Variants in MICOS10 observed in about 807,000 individuals in gnomAD.
MICOS10 encodes MICOS complex subunit MIC10.
Under a neutral mutation model 13.4 loss-of-function variants are expected in MICOS10, and 5 were observed. The observed-to-expected ratio is 0.37, with a 90% confidence interval of 0.20 to 0.78. The LOEUF (loss-of-function observed/expected upper bound fraction) is 0.78, where lower values mean the gene tolerates loss of function less well. Ranked by LOEUF, MICOS10 falls within the 30% of genes least tolerant of loss-of-function variation. The probability of loss-of-function intolerance (pLI) is 0.47; values close to 1 mark genes in which losing one functional copy is unlikely to be tolerated. For synonymous variants in MICOS10, 35 were observed against 33.6 expected (o/e 1.04, Z -0.15); for missense variants, 101 against 94.6 (o/e 1.07, Z -0.28).
chr1:19,626,311 G>A, intron 3 of MICOS10, 76 bp from the exon 4 acceptor site: 1 of 1,595,326 alleles, frequency 6.3e-7, no homozygotes, highest in East Asian at 2.2e-5. Context: ...CTTTGGGTCT[G>A]ACCTGATACA....
chr1:19,625,297 A>G, intron 3 of MICOS10: 1 of 1,180,990 alleles, frequency 8.5e-7, no homozygotes. Flanking sequence ...TGTGGTACAA[A>G]TGCATGTCCT....
At chr1:19,600,945 A>G (rs1013662513) in intron 1 of MICOS10, 12 of 1,289,232 alleles carry the variant, frequency 9.3e-6, no homozygotes, top group Non-Finnish European at 1.1e-5. Flanking sequence ...ACTGAAGGGA[A>G]GCCATGGTGA....
At chr1:19,604,762 G>A (rs1180664451) in intron 1 of MICOS10, among the ~76,000 whole-genome samples, 1 of 152,180 alleles carries the variant, frequency 6.6e-6, no homozygotes, top group Admixed American at 6.5e-5. Flanking sequence ...CAGGTGAATA[G>A]GCACTGGCCC....
intron 1 of MICOS10, among the ~76,000 whole-genome samples, chr1:19,602,849 T>C (rs954837092): frequency 1.3e-5 from 2 of 152,200 alleles, no homozygotes; most frequent in African/African-American, 4.8e-5. Flanking sequence ...TAGGAGACTT[T>C]AAATCGTTCT....
At chr1:19,621,312 G>C (rs10489859) in intron 1 of MICOS10, among the ~76,000 whole-genome samples, 18,795 of 152,182 alleles carry the variant, frequency 0.12, 1,257 homozygotes, top group African/African-American at 0.17. Context: ...GCTTTGTGAA[G>C]ACTTGTTACT....
chr1:19,598,104 C>T (rs563541243), intron 1 of MICOS10: 2 of 152,200 alleles, frequency 1.3e-5, no homozygotes, highest in African/African-American at 4.8e-5. Flanking sequence ...TGCCCCATCC[C>T]CAGCCCCTAA....
At chr1:19,625,629 T>A (rs1282092347) in intron 3 of MICOS10, 2 of 1,287,668 alleles carry the variant, frequency 1.6e-6, no homozygotes, top group East Asian at 1.1e-4. Context: ...CAGAGAAGCT[T>A]CAGGTCTTTT....
intron 1 of MICOS10, among the ~76,000 whole-genome samples, chr1:19,605,682 G>A (rs1417879048): frequency 2.0e-5 from 3 of 152,006 alleles, no homozygotes; most frequent in African/African-American, 7.3e-5. Context: ...GTTTGTTTAC[G>A]CTTTTAAATT....
At position 19,597,104 on chromosome 1, in the gene MICOS10, A is replaced by G; in HGVS notation, c.59A>G (p.Lys20Arg). The G allele has an allele frequency of 6.2e-7, 1 of 1,601,150 alleles. No individual in the cohort carries two copies. ...CGGTGTCTGGCGGATGCGGTCGTGA[A>G]GATAGGTAAGGGGCTTTTCGCCCCA... The part of the protein sequence containing the change: ...WDRCLADAVV[K>R]IGTGFGLGIV... Residue 20 changes from lysine to arginine, a missense_variant, in exon 1 of 4, where the codon AAG becomes AGG. Physicochemically the swap from Lys to Arg is conservative, Grantham distance 26. Coordinates refer to ENST00000322753, the MANE Select transcript of MICOS10 (RefSeq NM_001032363.4).
Position 19,623,480 on chromosome 1 carries a change from T to A in MICOS10, c.119T>A (p.Met40Lys), listed in dbSNP as rs1459120936. The A allele has an allele frequency of 3.7e-6, 6 of 1,607,588 alleles. No individual in the cohort carries two copies. The highest frequency in any genetic ancestry group is 5.1e-6 in the Non-Finnish European group (6 of 1,176,192). ...TCCCTTTTTTGCTCACTAGGAAGAA[T>A]GTGGCCATTAGCCTTCGGTTCTGGC... The part of the protein sequence containing the change: ...VFSLTFFKRR[M>K]WPLAFGSGMG... The change falls in exon 3 of 4, where the codon ATG becomes AAG. Residue 40 changes from methionine to lysine, a missense_variant. Transcript: ENST00000322753.
At chr1:19,608,454 C>G in intron 1 of MICOS10, 1 of 1,280,498 alleles carries the variant, frequency 7.8e-7, no homozygotes, top group Non-Finnish European at 1.1e-6. Context: ...GGGGCCCAGT[C>G]GGCCCTCAGA....
chr1:19,600,690 C>T (rs2094810722), intron 1 of MICOS10: 2 of 358,442 alleles, frequency 5.6e-6, no homozygotes, highest in African/African-American at 4.3e-5. Context: ...CAGCCTTGAC[C>T]TCCAGAGCTC....
chr1:19,601,840 C>A (rs2100242529), intron 1 of MICOS10, among the ~76,000 whole-genome samples: 1 of 152,190 alleles, frequency 6.6e-6, no homozygotes, highest in Admixed American at 6.5e-5. Flanking sequence ...TCTCTTTTTT[C>A]CACTTTTTTA....
At chr1:19,623,951 C>T (rs1570510889) in intron 3 of MICOS10, among the ~76,000 whole-genome samples, 2 of 152,328 alleles carry the variant, frequency 1.3e-5, no homozygotes, top group East Asian at 3.9e-4. Context: ...AAGCTAAACC[C>T]AAAGACTTCC....
chr1:19,609,776 TTTCTA>T lies in MICOS10; in HGVS notation c.65-12323_65-12319del, dbSNP rs541881632. 1.2e-4 allele frequency among the ~76,000 whole-genome samples: 19 copies of T among 152,268 alleles called. 1 individual carries two copies. The South Asian group carries it at 3.5e-3, about 28-fold the overall frequency. On this transcript the variant is annotated intron_variant, in intron 1 of 3. Transcript: ENST00000322753. Reference sequence around the variant, plus strand: ...TCCTATTTACATATTTACATACGAATTTCTAGGAAATACAAACCAATCTAATGAAG... The same window carrying T: ...TCCTATTTACATATTTACATACGAATGGAAATACAAACCAATCTAATGAAG...
intron 3 of MICOS10, among the ~76,000 whole-genome samples, chr1:19,624,361 A>G (rs1172171633): frequency 6.6e-6 from 1 of 151,650 alleles, no homozygotes; most frequent in Non-Finnish European, 1.5e-5. Context: ...ATCTTGGCTC[A>G]CTGCGACCTC....
chr1:19,623,371 G>A (rs2094911113), intron 2 of MICOS10, 103 bp from the exon 3 acceptor site: 3 of 711,166 alleles, frequency 4.2e-6, no homozygotes, highest in East Asian at 2.5e-5. Context: ...TATGATGCAC[G>A]TTGAATATTT....
At chr1:19,621,589 C>T (rs187197359) in intron 1 of MICOS10, among the ~76,000 whole-genome samples, 10 of 152,226 alleles carry the variant, frequency 6.6e-5, no homozygotes, top group Admixed American at 1.3e-4. Flanking sequence ...TCTGGAGGGC[C>T]GTCTTTTTCC....
chr1:19,615,732 T>C (rs1737423), intron 1 of MICOS10, among the ~76,000 whole-genome samples: 19,099 of 143,214 alleles, frequency 0.13, 4,162 homozygotes, highest in African/African-American at 0.46. Flanking sequence ...TACAGGCATA[T>C]GCCACCACAC....
Sources: gnomAD v4.1 joint callset for allele counts (sites outside exome capture counted in the v4.1 genomes callset) on GRCh38, gnomAD v4.1.1 for gene constraint, MANE v1.5 for transcripts, NCBI Gene and HGNC (gene_info 2026-07-23, HGNC 2026-07-21) for gene names.